The following SLC5A11 variants were observed in gnomAD, a reference collection of about 807,000 sequenced individuals.
SLC5A11 encodes the protein solute carrier family 5 member 11.
Under a neutral mutation model 69.8 loss-of-function variants are expected in SLC5A11, and 48 were observed. That is an observed-to-expected ratio of 0.69 (90% CI 0.55 to 0.87). The LOEUF (loss-of-function observed/expected upper bound fraction) is 0.87. SLC5A11 is among the 40% of genes least tolerant of loss of function. The pLI, the probability that SLC5A11 is intolerant of heterozygous loss-of-function variation, is 0.00. For synonymous variants in SLC5A11, 319 were observed against 342.4 expected, an observed-to-expected ratio of 0.93 and a Z score of 0.75; for missense variants, 784 against 866.1, an observed-to-expected ratio of 0.91 and a Z score of 1.19.
intron 7 of SLC5A11, among the ~76,000 whole-genome samples, chr16:24,880,706 A>T (rs2047989320): frequency 6.6e-6 from 1 of 152,016 alleles, no homozygotes; most frequent in Admixed American, 6.6e-5. Flanking sequence ...GATGGTGCTG[A>T]ATCATTAAAA....
intron 7 of SLC5A11, among the ~76,000 whole-genome samples, chr16:24,879,750 A>G (rs1030958120): frequency 6.6e-6 from 1 of 152,210 alleles, no homozygotes; most frequent in Non-Finnish European, 1.5e-5. Context: ...ATCTCAAAGA[A>G]AAAGAAAATA....
intron 1 of SLC5A11, among the ~76,000 whole-genome samples, chr16:24,852,032 C>T (rs1359715683): frequency 6.7e-6 from 1 of 149,118 alleles, no homozygotes; most frequent in Admixed American, 6.8e-5. Flanking sequence ...CCTGCCACCC[C>T]CTCTAATGTG....
intron 3 of SLC5A11, among the ~76,000 whole-genome samples, chr16:24,864,285 T>G (rs906635357): frequency 6.6e-6 from 1 of 152,158 alleles, no homozygotes; most frequent in Non-Finnish European, 1.5e-5. Flanking sequence ...AAGGCAGAGT[T>G]ATAAGCTGGG....
In SLC5A11 at chr16:24,896,285, G is replaced by C. The variant is rs373926693; in HGVS notation, c.871-1689G>C. Among the ~76,000 whole-genome samples, 13 of 152,208 alleles carry C rather than the reference G, an allele frequency of 8.5e-5. No homozygotes were observed. The East Asian group carries it at 2.3e-3, about 27-fold the overall frequency. On this transcript the variant is annotated intron_variant, in intron 9 of 15. Coordinates refer to ENST00000347898, the Ensembl canonical transcript of SLC5A11. Reference sequence around the variant, plus strand: ...GAATTGTTTGAGGCCAGGGGTTCAAGACCAGCCTCCTCAATATAGCAATAT... The same window carrying C: ...GAATTGTTTGAGGCCAGGGGTTCAACACCAGCCTCCTCAATATAGCAATAT...
chr16:24,891,727 C>T (rs1238691767), intron 9 of SLC5A11, among the ~76,000 whole-genome samples: 3 of 152,086 alleles, frequency 2.0e-5, no homozygotes, highest in African/African-American at 7.2e-5. Flanking sequence ...TCAACAAATA[C>T]ACACTGGGTG....
chr16:24,851,975 C>G (rs1222893091), intron 1 of SLC5A11, among the ~76,000 whole-genome samples: 1 of 149,596 alleles, frequency 6.7e-6, no homozygotes, highest in Non-Finnish European at 1.5e-5. Flanking sequence ...TTGCTTCTCT[C>G]TCTCTCTCTC....
intron 8 of SLC5A11, among the ~76,000 whole-genome samples, chr16:24,886,603 G>GT (rs2048416807): frequency 1.3e-5 from 2 of 152,104 alleles, no homozygotes; most frequent in Admixed American, 1.3e-4. Flanking sequence ...GGTGTGAAGG[G>GT]TTTGCTGTGT....
chr16:24,888,762 G>C (rs1212060608), intron 8 of SLC5A11, among the ~76,000 whole-genome samples: 3 of 145,358 alleles, frequency 2.1e-5, no homozygotes, highest in Non-Finnish European at 4.5e-5. Context: ...GGGATTACAG[G>C]TGTGAGCCAC....
intron 3 of SLC5A11, among the ~76,000 whole-genome samples, chr16:24,868,287 CAAAA>C (rs374049168): frequency 0.081 from 10,412 of 129,080 alleles, 721 homozygotes; most frequent in East Asian, 0.28. Context: ...CAGATTCTTC[CAAAA>C]AAAAAAAAAA....
At chr16:24,856,357 G>T (rs1355349028) in intron 1 of SLC5A11, among the ~76,000 whole-genome samples, 1 of 152,042 alleles carries the variant, frequency 6.6e-6, no homozygotes, top group Non-Finnish European at 1.5e-5. Context: ...ATGTACCTTG[G>T]CTGGGCTGGT....
intron 8 of SLC5A11, 69 bp downstream of exon 9, chr16:24,884,200 A>G (rs1226767740): frequency 1.4e-6 from 2 of 1,473,402 alleles, no homozygotes; most frequent in Non-Finnish European, 1.9e-6. Flanking sequence ...TCTGCTCTCC[A>G]CACTGTGAAC....
intron 5 of SLC5A11, among the ~76,000 whole-genome samples, chr16:24,873,301 G>GGAAGGAAGGAAGGAAA (rs1480860554): frequency 7.0e-6 from 1 of 142,736 alleles, no homozygotes; most frequent in Non-Finnish European, 1.5e-5. Context: ...AAGGAAGGAA[G>GGAAGGAAGGAAGGAAA]GAAATAAATA....
Position 24,910,382 on chromosome 16 carries a change from C to T in SLC5A11, c.1727C>T (p.Ser576Phe), listed in dbSNP as rs116112035. 3.8e-4 allele frequency: 619 copies of T among 1,614,174 alleles called. 3 individuals carry two copies. The African/African-American group carries it at 7.6e-3, about 20-fold the overall frequency. ...CAAGCACCACCAGCAGCTCCCTTGT[C>T]TCTTACCCTCTCTCAGAACGGGATG... Residue 576 changes from serine (S) to phenylalanine (F), a missense_variant, in exon 15 of 16, where the codon TCT (serine) becomes TTT (phenylalanine). By Grantham distance (155) the Ser-to-Phe change is radical. Coordinates refer to ENST00000347898, the Ensembl canonical transcript of SLC5A11.
intron 4 of SLC5A11, among the ~76,000 whole-genome samples, chr16:24,870,648 T>C (rs1168928564): frequency 3.3e-5 from 5 of 151,412 alleles, no homozygotes; most frequent in African/African-American, 1.2e-4. Context: ...GGCTTGGTGG[T>C]GCATGCCTGT....
At chr16:24,870,266 C>T (rs918773381) in intron 4 of SLC5A11, among the ~76,000 whole-genome samples, 3 of 150,730 alleles carry the variant, frequency 2.0e-5, no homozygotes, top group African/African-American at 4.9e-5. Flanking sequence ...TAATGGCGGG[C>T]GCCGTAATCC....
At chr16:24,869,336 C>T (rs1031360517) in intron 3 of SLC5A11, among the ~76,000 whole-genome samples, 1 of 152,144 alleles carries the variant, frequency 6.6e-6, no homozygotes, top group Non-Finnish European at 1.5e-5. Flanking sequence ...GTCCCCGTTC[C>T]AAATTCCCAG....
intron 9 of SLC5A11, among the ~76,000 whole-genome samples, chr16:24,891,512 G>T (rs889426664): frequency 6.6e-6 from 1 of 151,786 alleles, no homozygotes. Flanking sequence ...TAGTAGAGAT[G>T]CAGGTCTCAC....
At chr16:24,879,445 A>G (rs768033334) in intron 7 of SLC5A11, among the ~76,000 whole-genome samples, 10 of 152,064 alleles carry the variant, frequency 6.6e-5, no homozygotes, top group Non-Finnish European at 1.0e-4. Flanking sequence ...CTTATATGTG[A>G]GAACAGGTGG....
At chr16:24,866,695 A>C (rs274106) in intron 3 of SLC5A11, among the ~76,000 whole-genome samples, 109,963 of 152,010 alleles carry the variant, frequency 0.72, 40,728 homozygotes, top group African/African-American at 0.89. Flanking sequence ...AAAATATATA[A>C]CATACAAACA....
Sources: allele counts gnomAD v4.1 joint callset (sites outside exome capture counted in the v4.1 genomes callset), GRCh38; gene constraint gnomAD v4.1.1; transcripts MANE v1.5; gene names NCBI Gene and HGNC (gene_info 2026-07-23, HGNC 2026-07-21).